SIL1: variants seen among roughly 807,000 people sequenced by gnomAD.
The protein encoded by SIL1 is nucleotide exchange factor SIL1.
In SIL1, 40 loss-of-function variants were observed where a neutral mutation model predicts 49.1. That is an observed-to-expected ratio of 0.81 (90% CI 0.63 to 1.06). The LOEUF (loss-of-function observed/expected upper bound fraction) is 1.06. Ranked by LOEUF, SIL1 falls within the 50% of genes least tolerant of loss-of-function variation. The probability of loss-of-function intolerance (pLI) is 0.00; values close to 1 mark genes in which losing one functional copy is unlikely to be tolerated. For synonymous variants in SIL1, 253 were observed against 250.8 expected (o/e 1.01, Z -0.08); for missense variants, 500 against 572.6 (o/e 0.87, Z 1.29).
At chr5:139,064,527 A>C (rs1355707015) in intron 3 of SIL1, among the ~76,000 whole-genome samples, 2 of 152,238 alleles carry the variant, frequency 1.3e-5, no homozygotes, top group Admixed American at 6.5e-5. Flanking sequence ...GGCAACTTTA[A>C]CAAAACGAGG....
rs1057522157 is a variant in SIL1, at chr5:139,198,295, G to C, written c.-37C>G. The C allele has an allele frequency of 2.0e-5, 3 of 152,220 alleles. No homozygotes were observed. Among genetic ancestry groups the C allele is most frequent in the Non-Finnish European group, 4.4e-5 (3 of 68,092 alleles). 9.4% of individuals were successfully genotyped at this position (152,220 alleles called of 1,614,324 possible). A position where few individuals can be genotyped will look rare whatever the true frequency, so the allele number is the denominator to read the frequency against. ...TTCGGCCTCCGGCAGCCGAGTGGCA[G>C]ACACAACTCCCACAATTCCAGGCGG... On this transcript the variant is annotated 5_prime_UTR_variant, in exon 1 of 10. Transcript: ENST00000394817.
At chr5:139,009,909 T>C (rs1315802044) in intron 7 of SIL1, among the ~76,000 whole-genome samples, 105 of 150,854 alleles carry the variant, frequency 7.0e-4, no homozygotes, top group Non-Finnish European at 1.3e-3. Context: ...TTTCCTTCAT[T>C]TCAACTTTGG....
At chr5:139,012,359 G>A (rs1438867861) in intron 7 of SIL1, 2 of 152,074 alleles carry the variant, frequency 1.3e-5, no homozygotes, top group Non-Finnish European at 2.9e-5. Context: ...GAATGTGCCT[G>A]ATCTCATCTG....
At chr5:139,141,095 G>C (rs1489702589) in intron 1 of SIL1, among the ~76,000 whole-genome samples, 1 of 152,150 alleles carries the variant, frequency 6.6e-6, no homozygotes, top group Non-Finnish European at 1.5e-5. Context: ...CCTCTCCAGG[G>C]CTGTTTTAGG....
intron 1 of SIL1, chr5:139,137,596 T>G (rs897936735): frequency 1.4e-5 from 5 of 353,724 alleles, no homozygotes; most frequent in African/African-American, 2.1e-5. Flanking sequence ...TTGTTACATA[T>G]GTATGCATGT....
intron 1 of SIL1, among the ~76,000 whole-genome samples, chr5:139,143,306 T>TACACACACAC (rs752710937): frequency 1.6e-5 from 2 of 123,728 alleles, no homozygotes; most frequent in South Asian, 5.1e-4. Flanking sequence ...TATACATATA[T>TACACACACAC]ACACACACAC....
intron 4 of SIL1, among the ~76,000 whole-genome samples, chr5:139,043,790 A>G (rs1049530572): frequency 1.3e-5 from 2 of 152,236 alleles, no homozygotes; most frequent in Non-Finnish European, 2.9e-5. Flanking sequence ...ATTTTAGTTC[A>G]ATGAACAGAG....
intron 1 of SIL1, among the ~76,000 whole-genome samples, chr5:139,156,413 A>G (rs917837928): frequency 6.6e-6 from 1 of 150,704 alleles, no homozygotes; most frequent in Non-Finnish European, 1.5e-5. Flanking sequence ...AAAAAAAAGA[A>G]GCCAGGTGTG....
intron 9 of SIL1, 52 bp downstream of exon 9, chr5:138,951,119 A>G (rs1045456806): frequency 1.1e-5 from 17 of 1,586,410 alleles, no homozygotes; most frequent in Non-Finnish European, 1.3e-5. Context: ...CCATCCACCC[A>G]GAAGCACACA....
intron 1 of SIL1, among the ~76,000 whole-genome samples, chr5:139,142,969 T>C (rs774140595): frequency 2.2e-4 from 33 of 152,046 alleles, no homozygotes; most frequent in Non-Finnish European, 3.7e-4. Context: ...AGGGTTTCAC[T>C]GTGTTAGCCA....
At chr5:139,138,920 G>C (rs1561877002) in intron 1 of SIL1, among the ~76,000 whole-genome samples, 1 of 152,198 alleles carries the variant, frequency 6.6e-6, no homozygotes, top group African/African-American at 2.4e-5. Flanking sequence ...TATACTCTGG[G>C]TGGTTACAGA....
At chr5:138,967,936 G>A (rs1767180405) in intron 7 of SIL1, among the ~76,000 whole-genome samples, 1 of 152,152 alleles carries the variant, frequency 6.6e-6, no homozygotes, top group African/African-American at 2.4e-5. Flanking sequence ...CTCAGCTAAG[G>A]AGGCCACGCA....
At position 139,153,791 on chromosome 5, in the gene SIL1, T is replaced by C. The variant is rs147252473; in HGVS notation, c.-10-25938A>G. 2.1e-3 allele frequency among the ~76,000 whole-genome samples: 314 copies of C among 152,362 alleles called. 2 individuals are homozygous for C. The highest frequency in any genetic ancestry group is 0.014 in the Middle Eastern group (4 of 294). On this transcript the variant is annotated intron_variant, in intron 1 of 9. Transcript: ENST00000394817. ...AACAAATAATCACCACATAGTATGA[T>C]AAGTGTCATAACGGTGAGGTATCGG...
chr5:139,109,643 T>C (rs896374299), intron 3 of SIL1, among the ~76,000 whole-genome samples: 4 of 148,228 alleles, frequency 2.7e-5, no homozygotes, highest in Non-Finnish European at 5.9e-5. Context: ...TACTCCCTTA[T>C]GGGGTATCTT....
At position 138,988,739 on chromosome 5, in the gene SIL1, G is replaced by A. The variant is rs1214339391; in HGVS notation, c.767+32432C>T. ...AATTTTTAAATTGGCCAGGCATGGT[G>A]GTACGTACCTGTGGTCCCAGCTACT... On this transcript the variant is annotated intron_variant, in intron 7 of 9. Coordinates refer to ENST00000394817, the MANE Select transcript of SIL1 (RefSeq NM_022464.5). Among the ~76,000 whole-genome samples the A allele has an allele frequency of 2.6e-5, 4 of 152,216 alleles. No individual in the cohort carries two copies. The East Asian group carries it at 7.8e-4, about 30-fold the overall frequency.
At chr5:139,111,990 G>T (rs981726588) in intron 3 of SIL1, among the ~76,000 whole-genome samples, 3 of 152,232 alleles carry the variant, frequency 2.0e-5, no homozygotes, top group African/African-American at 7.2e-5. Context: ...GATTGCAGGT[G>T]CGCGCCGCCA....
At chr5:139,116,322 T>G (rs1252264326) in intron 3 of SIL1, among the ~76,000 whole-genome samples, 1 of 152,246 alleles carries the variant, frequency 6.6e-6, no homozygotes, top group East Asian at 1.9e-4. Context: ...TTTTCTTTTT[T>G]TTCCCCCTCA....
intron 7 of SIL1, among the ~76,000 whole-genome samples, chr5:138,995,343 G>A (rs1767842542): frequency 1.3e-5 from 2 of 151,786 alleles, no homozygotes; most frequent in South Asian, 4.2e-4. Context: ...TGCCTCCCAG[G>A]TTCAACAAAT....
intron 7 of SIL1, among the ~76,000 whole-genome samples, chr5:139,007,573 TTCAG>T (rs1430264776): frequency 1.4e-5 from 1 of 70,852 alleles, no homozygotes; most frequent in Non-Finnish European, 2.6e-5. Context: ...TTTTTGCCCA[TTCAG>T]TATGATATTG....
Sources: allele counts gnomAD v4.1 joint callset (sites outside exome capture counted in the v4.1 genomes callset), GRCh38; gene constraint gnomAD v4.1.1; transcripts MANE v1.5; gene names NCBI Gene and HGNC (gene_info 2026-07-23, HGNC 2026-07-21).